NEK10: variants seen among roughly 807,000 people sequenced by gnomAD.
The protein encoded by NEK10 is NIMA related kinase 10, also known as serine/threonine-protein kinase Nek10.
In NEK10, 122 loss-of-function variants were observed where a neutral mutation model predicts 159.8. The ratio of observed to expected loss-of-function variants is 0.76; its 90% CI spans 0.66 to 0.89. The LOEUF (loss-of-function observed/expected upper bound fraction) is 0.89, where lower values mean the gene tolerates loss of function less well. Among genes scored for constraint, NEK10 ranks in the 40% least tolerant of loss-of-function variants. NEK10 has a pLI of 0.00. For synonymous variants in NEK10, 466 were observed against 457.1 expected (o/e 1.02, Z -0.25); for missense variants, 1,342 against 1,323.1 (o/e 1.01, Z -0.22).
chr3:27,311,813 C>T, intron 8 of NEK10: 1 of 361,344 alleles, frequency 2.8e-6, no homozygotes, highest in Non-Finnish European at 5.0e-6. Flanking sequence ...GACATTTTAA[C>T]AGAAATAAAA....
chr3:27,323,867 T>C (rs2045825549), intron 5 of NEK10, among the ~76,000 whole-genome samples: 1 of 152,206 alleles, frequency 6.6e-6, no homozygotes, highest in South Asian at 2.1e-4. Flanking sequence ...CAGACACTAA[T>C]CAAATTCAGA....
intron 23 of NEK10, among the ~76,000 whole-genome samples, chr3:27,218,720 T>C (rs908991113): frequency 7.5e-6 from 1 of 132,852 alleles, no homozygotes; most frequent in African/African-American, 2.7e-5. Flanking sequence ...AAACATCATA[T>C]TAACAGAATG....
intron 1 of NEK10, among the ~76,000 whole-genome samples, chr3:27,362,723 C>T (rs2048775143): frequency 6.6e-6 from 1 of 151,656 alleles, no homozygotes; most frequent in African/African-American, 2.4e-5. Context: ...AAAATGACAC[C>T]TTCCTCTTCC....
At chr3:27,204,772 G>A (rs1312959446) in intron 23 of NEK10, among the ~76,000 whole-genome samples, 105 of 143,490 alleles carry the variant, frequency 7.3e-4, no homozygotes, top group African/African-American at 2.5e-3. Flanking sequence ...ATAAACACAC[G>A]TGTGCATGTG....
At chr3:27,230,137 A>G (rs186600548) in intron 23 of NEK10, among the ~76,000 whole-genome samples, 47 of 152,228 alleles carry the variant, frequency 3.1e-4, no homozygotes, top group Non-Finnish European at 5.4e-4. Context: ...CAGGTGACCT[A>G]TAAAGAGAAA....
At chr3:27,331,190 A>T (rs1019724104) in intron 5 of NEK10, among the ~76,000 whole-genome samples, 1 of 142,390 alleles carries the variant, frequency 7.0e-6, no homozygotes, top group Admixed American at 7.5e-5. Context: ...GTGAGCTGAG[A>T]TCAGGCCACT....
intron 30 of NEK10, 81 bp from the exon 31 acceptor site, chr3:27,141,663 C>A: frequency 9.2e-7 from 1 of 1,084,348 alleles, no homozygotes; most frequent in Non-Finnish European, 1.4e-6. Flanking sequence ...AATTCTAACA[C>A]AAATTTTAAA....
intron 23 of NEK10, among the ~76,000 whole-genome samples, chr3:27,217,427 G>A (rs138896556): frequency 5.1e-4 from 77 of 152,280 alleles, no homozygotes; most frequent in African/African-American, 1.8e-3. Flanking sequence ...CGCATGGCCA[G>A]AGCAGGAGGA....
At chr3:27,195,887 A>G (rs1380886844) in intron 25 of NEK10, among the ~76,000 whole-genome samples, 1 of 152,214 alleles carries the variant, frequency 6.6e-6, no homozygotes, top group African/African-American at 2.4e-5. Context: ...TACTAATAAT[A>G]CCTAATTTTA....
At chr3:27,343,754 ATCCTTCC>A (rs1349230601) in intron 5 of NEK10, among the ~76,000 whole-genome samples, 1 of 152,144 alleles carries the variant, frequency 6.6e-6, no homozygotes, top group African/African-American at 2.4e-5. Context: ...TTGTTAACTA[ATCCTTCC>A]TCTACAGTCC....
chr3:27,189,370 AC>A (rs1295441195), intron 26 of NEK10, among the ~76,000 whole-genome samples: 2 of 152,072 alleles, frequency 1.3e-5, no homozygotes, highest in Non-Finnish European at 2.9e-5. Context: ...TTGTTTGCTT[AC>A]CCACTAATTT....
chr3:27,313,817 A>G (rs2044916719), intron 7 of NEK10, among the ~76,000 whole-genome samples: 1 of 151,956 alleles, frequency 6.6e-6, no homozygotes, highest in Admixed American at 6.6e-5. Context: ...GGTTTAAGCA[A>G]TTCTCTGCCT....
At chr3:27,307,828 C>A in intron 11 of NEK10, 31 bp downstream of exon 11, 2 of 990,800 alleles carry the variant, frequency 2.0e-6, no homozygotes, top group Admixed American at 1.7e-5. Flanking sequence ...AAAGGCACTG[C>A]ATTGTCTTTT....
At chr3:27,299,897 A>C (rs963958131) in intron 13 of NEK10, among the ~76,000 whole-genome samples, 2 of 152,276 alleles carry the variant, frequency 1.3e-5, no homozygotes, top group African/African-American at 4.8e-5. Flanking sequence ...ACCCCATTGT[A>C]TCTAGGAAGT....
At position 27,291,300 on chromosome 3, in the gene NEK10, C is replaced by T; in HGVS notation, c.1567G>A (p.Asp523Asn). 1 of 1,613,674 alleles carries T rather than the reference C, an allele frequency of 6.2e-7. No individual in the cohort carries two copies. The highest frequency in any genetic ancestry group is 8.5e-7 in the Non-Finnish European group (1 of 1,179,764). Reference sequence around the variant, plus strand: ...CCAAAAGCTCCACTTCCAAGATGATCCAAAATTGCATAGTTGCCTATATAT... The same window carrying T: ...CCAAAAGCTCCACTTCCAAGATGATTCAAAATTGCATAGTTGCCTATATAT... Reference protein sequence around the residue: ...LKYIGNYAILDHLGSGAFGCV... With the variant: ...LKYIGNYAILNHLGSGAFGCV... Residue 523 changes from aspartate to asparagine, a missense_variant, in exon 18 of 36, where the codon GAT (aspartate) becomes AAT (asparagine). By Grantham distance (23) the Asp-to-Asn change is conservative (BLOSUM62 1). Coordinates refer to ENST00000691995, the MANE Select transcript of NEK10 (RefSeq NM_001394966.1).
intron 22 of NEK10, among the ~76,000 whole-genome samples, chr3:27,280,342 G>A (rs937973694): frequency 6.6e-6 from 1 of 152,036 alleles, no homozygotes; most frequent in African/African-American, 2.4e-5. Context: ...GCCATCCAAG[G>A]GAGAAGAGAA....
chr3:27,171,824 T>C lies in NEK10; in HGVS notation c.2826A>G (p.Gln942=), dbSNP rs143017322. The change falls in exon 29 of 36, where the codon CAA becomes CAG. Residue 942 remains glutamine (Q), a synonymous_variant. Transcript: ENST00000691995. ...GGAGTTCAATTTGCACCTACCTTGT[T>C]TGGGATTGTCTTTCTCCTCCTGAAG... ...FSASGGERQS[Q]TRDFTGGTGS... The C allele has an allele frequency of 1.1e-5, 18 of 1,613,830 alleles. No homozygotes were observed. The East Asian group carries it at 4.0e-4, about 36-fold the overall frequency.
At chr3:27,321,301 G>A (rs775976804) in intron 6 of NEK10, among the ~76,000 whole-genome samples, 2 of 152,146 alleles carry the variant, frequency 1.3e-5, no homozygotes, top group East Asian at 3.9e-4. Flanking sequence ...GAAGAATCTT[G>A]TTTATACATA....
At chr3:27,157,088 C>T (rs1945546388) in intron 30 of NEK10, among the ~76,000 whole-genome samples, 1 of 150,452 alleles carries the variant, frequency 6.6e-6, no homozygotes, top group African/African-American at 2.4e-5. Context: ...GAATGGAAAA[C>T]CAAACATTGT....
Sources: allele counts gnomAD v4.1 joint callset (sites outside exome capture counted in the v4.1 genomes callset), GRCh38; gene constraint gnomAD v4.1.1; transcripts MANE v1.5; gene names NCBI Gene and HGNC (gene_info 2026-07-23, HGNC 2026-07-21).